The following MAST4 variants were observed in gnomAD, a reference collection of about 807,000 sequenced individuals.
MAST4 encodes microtubule-associated serine/threonine-protein kinase 4.
MAST4 carries 89 observed loss-of-function variants against 162.7 expected under a neutral mutation model. The ratio of observed to expected loss-of-function variants is 0.55; its 90% CI spans 0.46 to 0.65. The LOEUF is 0.65. Among genes scored for constraint, MAST4 ranks in the 30% least tolerant of loss-of-function variants. The pLI is 0.00. For synonymous variants in MAST4, 1,479 were observed against 1,361.1 expected, an observed-to-expected ratio of 1.09 and a Z score of -1.91; for missense variants, 3,153 against 3,374.0, an observed-to-expected ratio of 0.93 and a Z score of 1.62.
chr5:67,017,799 A>C lies in MAST4; in HGVS notation c.675-36605A>C, dbSNP rs143591262. On this transcript the variant is annotated intron_variant, in intron 4 of 28. Transcript: ENST00000403625. ...TTTTTAGTAGAGACGGGGTTTCTTC[A>C]TGTTGGTCAGGCTGATCTGGAACTC... Among the ~76,000 whole-genome samples the C allele has an allele frequency of 2.6e-3, 394 of 151,876 alleles. 2 individuals are homozygous for C. The highest frequency in any genetic ancestry group is 3.6e-3 in the Non-Finnish European group (247 of 67,932).
intron 19 of MAST4, among the ~76,000 whole-genome samples, chr5:67,140,991 G>C (rs921472653): frequency 2.0e-5 from 3 of 152,142 alleles, no homozygotes; most frequent in African/African-American, 2.4e-5. Flanking sequence ...AATTTGCCCT[G>C]GCTGGGTTTA....
intron 6 of MAST4, 96 bp downstream of exon 6, chr5:67,090,327 GTCCCCACTTCTCCCCCTCCCCACTTC>G (rs1763698896): frequency 1.1e-5 from 6 of 523,050 alleles, no homozygotes; most frequent in South Asian, 2.1e-5. Context: ...ACTTCTTCCC[GTCCCCACTTCTCCCCCTCCCCACTTC>G]CCCTTCCCCC....
At position 67,162,654 on chromosome 5, in the gene MAST4, T is replaced by C. The variant is rs1023036855; in HGVS notation, c.3833T>C (p.Leu1278Pro). The change falls in exon 28 of 29, where the codon CTC (leucine) becomes CCC (proline). Residue 1278 changes from leucine to proline, a missense_variant. Coordinates refer to ENST00000403625, the MANE Select transcript of MAST4 (RefSeq NM_001164664.2). ...CTAGCCAAGCAGCCTTCTCCTTTAC[T>C]CCACACCAGCCGAAGTTTCTCCTGC... ...KKLAKQPSPL[L>P]HTSRSFSCLN... The C allele has an allele frequency of 4.0e-5, 65 of 1,613,822 alleles. No individual in the cohort carries two copies. The highest frequency in any genetic ancestry group is 5.2e-5 in the Non-Finnish European group (61 of 1,179,878).
intron 4 of MAST4, among the ~76,000 whole-genome samples, chr5:66,960,677 T>C (rs1323937810): frequency 2.6e-5 from 4 of 152,254 alleles, no homozygotes; most frequent in East Asian, 1.9e-4. Flanking sequence ...GGTTGTTTTC[T>C]TTGGACTTAG....
intron 4 of MAST4, among the ~76,000 whole-genome samples, chr5:67,019,158 T>C (rs781425406): frequency 6.6e-6 from 1 of 151,976 alleles, no homozygotes; most frequent in Non-Finnish European, 1.5e-5. Context: ...AAACCTATAA[T>C]ATACAAGAAG....
intron 1 of MAST4, among the ~76,000 whole-genome samples, chr5:66,680,282 C>T (rs974898377): frequency 2.0e-5 from 3 of 152,304 alleles, no homozygotes; most frequent in Admixed American, 1.3e-4. Flanking sequence ...AGGATTCACT[C>T]GTTTGTAATC....
rs74699334 is a variant in MAST4 at position 66,798,246 on chromosome 5, A to G, written c.642+9452A>G. Reference sequence around the variant, plus strand: ...AAGTGAAATGTGGAGTAGTGTGGTAATGTCCAATTTAGTTACTTGGGATCT... The same window carrying G: ...AAGTGAAATGTGGAGTAGTGTGGTAGTGTCCAATTTAGTTACTTGGGATCT... On this transcript the variant is annotated intron_variant, in intron 3 of 28. Coordinates refer to ENST00000403625, the MANE Select transcript of MAST4 (RefSeq NM_001164664.2). 1.6e-4 allele frequency among the ~76,000 whole-genome samples: 24 copies of G among 152,282 alleles called. No homozygotes were observed. The East Asian group carries it at 4.4e-3, about 28-fold the overall frequency.
chr5:66,939,028 A>G (rs770701996), intron 4 of MAST4, among the ~76,000 whole-genome samples: 1 of 152,216 alleles, frequency 6.6e-6, no homozygotes, highest in Non-Finnish European at 1.5e-5. Flanking sequence ...TAGACAGACA[A>G]TATAATGTGC....
intron 4 of MAST4, among the ~76,000 whole-genome samples, chr5:67,008,784 A>C (rs923855592): frequency 6.6e-6 from 1 of 152,216 alleles, no homozygotes; most frequent in African/African-American, 2.4e-5. Context: ...CAGAATTCAC[A>C]TTACTCAGTA....
intron 1 of MAST4, among the ~76,000 whole-genome samples, chr5:66,611,365 C>T (rs1743277926): frequency 6.6e-6 from 1 of 152,236 alleles, no homozygotes; most frequent in Non-Finnish European, 1.5e-5. Context: ...GGACGGATGT[C>T]TGCATCATTT....
chr5:66,810,373 G>A (rs1192934083), intron 3 of MAST4, among the ~76,000 whole-genome samples: 1 of 152,178 alleles, frequency 6.6e-6, no homozygotes, highest in African/African-American at 2.4e-5. Context: ...TAGACGTTCT[G>A]CTATCTTTAT....
chr5:67,033,201 CTT>C (rs1186142513), intron 4 of MAST4, among the ~76,000 whole-genome samples: 1 of 151,396 alleles, frequency 6.6e-6, no homozygotes, highest in Non-Finnish European at 1.5e-5. Context: ...GAAAAACACT[CTT>C]GCTGACTTGA....
intron 4 of MAST4, among the ~76,000 whole-genome samples, chr5:67,006,324 T>G (rs1451520025): frequency 1.3e-5 from 2 of 152,218 alleles, no homozygotes; most frequent in African/African-American, 4.8e-5. Context: ...TGACTATGTT[T>G]TTCTCGTTCT....
intron 4 of MAST4, among the ~76,000 whole-genome samples, chr5:66,980,787 T>C (rs1199777384): frequency 6.6e-6 from 1 of 152,210 alleles, no homozygotes; most frequent in Non-Finnish European, 1.5e-5. Context: ...CCACCTAATT[T>C]CGATCATTTC....
intron 3 of MAST4, among the ~76,000 whole-genome samples, chr5:66,851,488 G>A (rs182831987): frequency 6.6e-6 from 1 of 152,314 alleles, no homozygotes; most frequent in African/African-American, 2.4e-5. Flanking sequence ...GCCTTGAGTA[G>A]CCTCAGATGC....
chr5:66,628,348 T>C (rs1480708444), intron 1 of MAST4, among the ~76,000 whole-genome samples: 1 of 151,396 alleles, frequency 6.6e-6, no homozygotes, highest in Non-Finnish European at 1.5e-5. Flanking sequence ...TTCTTTTTTT[T>C]TTTTTTTTAA....
intron 4 of MAST4, among the ~76,000 whole-genome samples, chr5:67,051,521 C>T (rs1202233749): frequency 4.6e-5 from 7 of 152,078 alleles, no homozygotes. Context: ...GAGTTAAGTG[C>T]AGATTTTAAT....
intron 1 of MAST4, among the ~76,000 whole-genome samples, chr5:66,609,052 ATTT>A (rs33928003): frequency 0.047 from 6,061 of 130,054 alleles, 418 homozygotes; most frequent in African/African-American, 0.16. Context: ...TCTCCCTTAG[ATTT>A]TTTTTTTTTT....
chr5:66,805,297 T>C (rs1258925589), intron 3 of MAST4, among the ~76,000 whole-genome samples: 1 of 152,230 alleles, frequency 6.6e-6, no homozygotes, highest in Non-Finnish European at 1.5e-5. Flanking sequence ...ACAGATCTGT[T>C]TCTTGACTCT....
Sources: allele counts gnomAD v4.1 joint callset (sites outside exome capture counted in the v4.1 genomes callset), GRCh38; gene constraint gnomAD v4.1.1; transcripts MANE v1.5; gene names NCBI Gene and HGNC (gene_info 2026-07-23, HGNC 2026-07-21).